Variants in P2RX5 observed in about 807,000 individuals in gnomAD.
P2RX5 encodes P2X purinoceptor 5.
Under a neutral mutation model 54.1 loss-of-function variants are expected in P2RX5, and 46 were observed. That is an observed-to-expected ratio of 0.85 (90% CI 0.67 to 1.09). P2RX5 has a LOEUF of 1.09. Among genes scored for constraint, P2RX5 ranks in the 50% least tolerant of loss-of-function variants. The pLI, the probability that P2RX5 is intolerant of heterozygous loss-of-function variation, is 0.00. For missense variants in P2RX5, 566 were observed against 549.8 expected, an observed-to-expected ratio of 1.03 and a Z score of -0.29; for synonymous variants, 226 against 226.4, an observed-to-expected ratio of 1.00 and a Z score of 0.02.
Position 3,690,649 on chromosome 17 carries a change from T to C in P2RX5, c.392A>G (p.Lys131Arg). 1 of 1,613,388 alleles carries C rather than the reference T, an allele frequency of 6.2e-7. No homozygotes were observed. Among genetic ancestry groups the C allele is most frequent in the Non-Finnish European group, 8.5e-7 (1 of 1,180,028 alleles). ...TTCCCCAGCGTGGCAGTCGCTGTCC[T>C]TGGAGCACGCGCCATCAGGAATGCC... ...NEGIPDGACS[K>R]DSDCHAGEAV... is the part of the protein sequence containing the mutation. Residue 131 changes from lysine (K) to arginine (R), a missense_variant, in exon 4 of 12, where the codon AAG becomes AGG. Coordinates refer to ENST00000225328, the MANE Select transcript of P2RX5 (RefSeq NM_002561.4).
At chr17:3,705,515 G>A in the P2RX5 span, among the ~76,000 whole-genome samples, 3 of 152,024 alleles carry the variant, frequency 2.0e-5, no homozygotes, top group African/African-American at 7.2e-5. Flanking sequence ...CTCCTCAATT[G>A]CTGTCCTCCT....
At chr17:3,710,443 A>T in the P2RX5 span, among the ~76,000 whole-genome samples, 94,096 of 151,150 alleles carry the variant, frequency 0.62, 30,338 homozygotes, top group African/African-American at 0.75. Context: ...ATAAATAAAT[A>T]AATAAATTAA....
the P2RX5 span, among the ~76,000 whole-genome samples, chr17:3,719,695 A>T: frequency 2.0e-5 from 3 of 151,626 alleles, no homozygotes; most frequent in African/African-American, 7.3e-5. Flanking sequence ...TGGATACAAA[A>T]AACAATTTCT....
the P2RX5 span, chr17:3,723,807 C>T: frequency 1.3e-6 from 2 of 1,580,356 alleles, no homozygotes; most frequent in Non-Finnish European, 1.7e-6. Context: ...TCCGTCCCGT[C>T]CCGGCCCCGG....
At chr17:3,723,089 G>A in the P2RX5 span, among the ~76,000 whole-genome samples, 1 of 152,146 alleles carries the variant, frequency 6.6e-6, no homozygotes, top group Non-Finnish European at 1.5e-5. Flanking sequence ...GTAATCCCTC[G>A]AGTTCCTTGT....
chr17:3,679,443 T>C, intron 11 of P2RX5, 147 bp downstream of exon 11: 1 of 714,354 alleles, frequency 1.4e-6, no homozygotes, highest in East Asian at 2.7e-5. Flanking sequence ...CCACAGAGGC[T>C]CTCCCAGTTC....
intron 11 of P2RX5, chr17:3,676,643 TA>T: frequency 1.0e-6 from 1 of 978,520 alleles, no homozygotes; most frequent in Non-Finnish European, 1.2e-6. Flanking sequence ...CAGGGCTTCT[TA>T]AATGTCACTG....
rs549141627 is a variant in P2RX5 at position 3,693,121 on chromosome 17, A to G, written c.138-1327T>C. 1.1e-4 allele frequency among the ~76,000 whole-genome samples: 10 copies of G among 90,968 alleles called. No homozygotes were observed. In the South Asian group the frequency reaches 6.0e-3, roughly 54 times the overall value. 59.7% of individuals were successfully genotyped at this position (90,968 alleles called of 152,430 possible). On this transcript the variant is annotated intron_variant, in intron 1 of 11. Transcript: ENST00000225328. ...AAATGAGCAAAGGATTTGAATAGAC[A>G]TTTCTCAAAAAAAAAAAAAAAAAAG...
chr17:3,699,095 C>CACA (rs60173844), upstream of P2RX5, among the ~76,000 whole-genome samples: 1,680 of 100,178 alleles, frequency 0.017, 73 homozygotes, highest in East Asian at 0.14. Flanking sequence ...ACACACACAC[C>CACA]TATATATATA....
At chr17:3,707,874 C>T in the P2RX5 span, among the ~76,000 whole-genome samples, 87 of 151,916 alleles carry the variant, frequency 5.7e-4, no homozygotes, top group Non-Finnish European at 9.1e-4. Context: ...CTGGCTAACA[C>T]GGTGAAACCC....
At chr17:3,683,105 C>T (rs1275324852) in intron 9 of P2RX5, among the ~76,000 whole-genome samples, 1 of 152,096 alleles carries the variant, frequency 6.6e-6, no homozygotes, top group Non-Finnish European at 1.5e-5. Context: ...GCCCCTCACA[C>T]CCAAAACGTG....
intron 9 of P2RX5, among the ~76,000 whole-genome samples, chr17:3,685,885 G>T (rs867167215): frequency 9.9e-4 from 13 of 13,110 alleles, no homozygotes; most frequent in South Asian, 2.9e-3. Flanking sequence ...AACGCACAGC[G>T]GGGCCCCCAG....
chr17:3,702,491 T>C, the P2RX5 span, among the ~76,000 whole-genome samples: 2 of 151,922 alleles, frequency 1.3e-5, no homozygotes, highest in Non-Finnish European at 2.9e-5. Flanking sequence ...CTCTTCCACG[T>C]TGTGGAAGTT....
At chr17:3,717,030 G>C in the P2RX5 span, 7 of 438,670 alleles carry the variant, frequency 1.6e-5, no homozygotes, top group African/African-American at 1.2e-4. Context: ...CCCTTATCTA[G>C]AAGGGCTAGG....
intron 6 of P2RX5, 97 bp downstream of exon 6, chr17:3,689,973 C>T (rs552810380): frequency 9.6e-5 from 101 of 1,053,114 alleles, no homozygotes; most frequent in East Asian, 3.1e-4. Flanking sequence ...CACACACGCG[C>T]GCACACACAC....
In P2RX5 at chr17:3,679,597, G is replaced by T. The variant is rs1289174874; in HGVS notation, c.1252C>A (p.Pro418Thr). 1.2e-6 allele frequency: 2 copies of T among 1,606,954 alleles called. No individual in the cohort carries two copies. The highest frequency in any genetic ancestry group is 1.7e-6 in the Non-Finnish European group (2 of 1,179,780). Residue 418 changes from proline to threonine, a missense_variant, in exon 11 of 12, where the codon CCC becomes ACC. By Grantham distance (38) the Pro-to-Thr change is conservative (BLOSUM62 -1). Transcript: ENST00000225328. ...NGSVCPQLLE[P>T]HRST ...GCCTAGCAGTGGCCTCACCTGTGGG[G>T]CTCCAGGAGCTGTGGGCACACAGAT...
At chr17:3,711,338 G>A in the P2RX5 span, among the ~76,000 whole-genome samples, 3 of 142,422 alleles carry the variant, frequency 2.1e-5, no homozygotes, top group East Asian at 4.1e-4. Flanking sequence ...ACGAGAAAAG[G>A]TTACTCCACA....
In P2RX5 at chr17:3,690,512, C is replaced by T. The variant is rs142283229; in HGVS notation, c.448G>A (p.Gly150Ser). ...AAGTTCTCTCTCCGCAGGCAGCGGC[C>T]GGTCTTCACTCCTGCAGGGGTGGGA... ...AVTAGNGVKT[G>S]RCLRRENLAR... The change falls in exon 5 of 12, where the codon GGC becomes AGC. Residue 150 changes from glycine (G) to serine (S), a missense_variant. Physicochemically the swap from Gly to Ser is moderately conservative, Grantham distance 56. Coordinates refer to ENST00000225328, the MANE Select transcript of P2RX5 (RefSeq NM_002561.4). 54 of 1,613,572 alleles carry T rather than the reference C, an allele frequency of 3.3e-5. No individual in the cohort carries two copies. The highest frequency in any genetic ancestry group is 1.6e-4 in the Middle Eastern group (1 of 6,062).
At chr17:3,680,053 T>C (rs576151665) in intron 10 of P2RX5, among the ~76,000 whole-genome samples, 1 of 149,362 alleles carries the variant, frequency 6.7e-6, no homozygotes, top group African/African-American at 2.5e-5. Context: ...CCCTACATCC[T>C]CCACCCTGCA....
Sources: allele counts gnomAD v4.1 joint callset (sites outside exome capture counted in the v4.1 genomes callset), GRCh38; gene constraint gnomAD v4.1.1; transcripts MANE v1.5; gene names NCBI Gene and HGNC (gene_info 2026-07-23, HGNC 2026-07-21).